The following GLRX3 variants were observed in gnomAD, a reference collection of about 807,000 sequenced individuals.
GLRX3 encodes glutaredoxin-3.
Under a neutral mutation model 49.5 loss-of-function variants are expected in GLRX3, and 22 were observed. The observed-to-expected ratio is 0.44, with a 90% CI of 0.32 to 0.63. The LOEUF (loss-of-function observed/expected upper bound fraction) is 0.63, where lower values mean the gene tolerates loss of function less well. Ranked by LOEUF, GLRX3 falls within the 30% of genes least tolerant of loss-of-function variation. The pLI is 0.05. For missense variants in GLRX3, 385 were observed against 396.3 expected (o/e 0.97, Z 0.24); for synonymous variants, 133 against 140.0 (o/e 0.95, Z 0.35).
chr10:130,140,427 T>C (rs1162671501), intron 1 of GLRX3, among the ~76,000 whole-genome samples: 1 of 152,238 alleles, frequency 6.6e-6, no homozygotes, highest in East Asian at 1.9e-4. Flanking sequence ...GTCCTTATAA[T>C]ATTGGACATT....
At position 130,160,088 on chromosome 10, in the gene GLRX3, C is replaced by G. The variant is rs372654004; in HGVS notation, c.276+19C>G. The G allele has an allele frequency of 3.4e-6, 5 of 1,480,572 alleles. No individual in the cohort carries two copies. The African/African-American group carries it at 6.9e-5, about 20-fold the overall frequency. 91.7% of individuals were successfully genotyped at this position (1,480,572 alleles called of 1,614,324 possible). On this transcript the variant is annotated intron_variant, in intron 3 of 10. Transcript: ENST00000331244. ...TTTCAAGGTAAGGATAAAGGTGGTA[C>G]AAGAGATTATCCATTTGTAGGGTGC...
chr10:130,179,067 G>C (rs1029923371), intron 10 of GLRX3, among the ~76,000 whole-genome samples: 2 of 151,610 alleles, frequency 1.3e-5, no homozygotes, highest in African/African-American at 4.9e-5. Context: ...TGAACTCCTG[G>C]CCTCAAGTGA....
intron 6 of GLRX3, among the ~76,000 whole-genome samples, chr10:130,167,259 A>G (rs951929879): frequency 6.6e-6 from 1 of 152,158 alleles, no homozygotes; most frequent in Non-Finnish European, 1.5e-5. Flanking sequence ...ACCTCTCTGC[A>G]TTTCAGAGCC....
intron 4 of GLRX3, among the ~76,000 whole-genome samples, chr10:130,162,529 C>T (rs1443682580): frequency 6.6e-6 from 1 of 152,192 alleles, no homozygotes; most frequent in Non-Finnish European, 1.5e-5. Context: ...TAAATGGGAA[C>T]TTACCACTTC....
At chr10:130,162,450 C>G (rs1811613000) in intron 4 of GLRX3, among the ~76,000 whole-genome samples, 1 of 152,188 alleles carries the variant, frequency 6.6e-6, no homozygotes, top group African/African-American at 2.4e-5. Context: ...ACGGGGGTTG[C>G]AAATGGTTCA....
intron 8 of GLRX3, among the ~76,000 whole-genome samples, chr10:130,173,198 G>A (rs569680519): frequency 5.3e-5 from 8 of 152,244 alleles, no homozygotes; most frequent in South Asian, 2.1e-4. Context: ...CTTCTGAGCC[G>A]ACACACTGGG....
intron 1 of GLRX3, among the ~76,000 whole-genome samples, chr10:130,140,970 A>G (rs893509855): frequency 6.6e-6 from 1 of 152,182 alleles, no homozygotes; most frequent in East Asian, 1.9e-4. Context: ...AAAGGTCCCA[A>G]TTTAATTTTT....
At chr10:130,179,164 C>G (rs1487905159) in intron 10 of GLRX3, among the ~76,000 whole-genome samples, 178 bp from the exon 11 acceptor site, 2 of 152,064 alleles carry the variant, frequency 1.3e-5, no homozygotes, top group African/African-American at 2.4e-5. Context: ...ATTTTTTAAC[C>G]TGATAGTGTA....
At chr10:130,145,810 T>C (rs1189806816) in intron 2 of GLRX3, among the ~76,000 whole-genome samples, 1 of 152,118 alleles carries the variant, frequency 6.6e-6, no homozygotes, top group Non-Finnish European at 1.5e-5. Flanking sequence ...TTTGCATTTT[T>C]TTTTTTTTTG....
chr10:130,153,845 A>G (rs1862426184), intron 2 of GLRX3, among the ~76,000 whole-genome samples: 1 of 152,206 alleles, frequency 6.6e-6, no homozygotes, highest in South Asian at 2.1e-4. Context: ...GCTGTCAGGC[A>G]GGGACGTTTA....
At chr10:130,148,867 A>G (rs1210843436) in intron 2 of GLRX3, among the ~76,000 whole-genome samples, 1 of 151,980 alleles carries the variant, frequency 6.6e-6, no homozygotes, top group African/African-American at 2.4e-5. Context: ...GTTCGAGACC[A>G]GCCTGGGCAA....
At chr10:130,139,636 C>A (rs1421101284) in intron 1 of GLRX3, among the ~76,000 whole-genome samples, 3 of 125,798 alleles carry the variant, frequency 2.4e-5, no homozygotes, top group Non-Finnish European at 3.4e-5. Context: ...ACGAAGACTC[C>A]ATCTCAAAAA....
intron 2 of GLRX3, among the ~76,000 whole-genome samples, chr10:130,148,632 T>C (rs1290925084): frequency 6.6e-6 from 1 of 151,952 alleles, no homozygotes; most frequent in African/African-American, 2.4e-5. Flanking sequence ...CTGGTAAAAA[T>C]AGAGTTAGAA....
At chr10:130,138,497 T>G (rs550489901) in intron 1 of GLRX3, among the ~76,000 whole-genome samples, 7 of 152,318 alleles carry the variant, frequency 4.6e-5, no homozygotes, top group African/African-American at 1.7e-4. Flanking sequence ...TACTGACTAA[T>G]GGTTAGAAAT....
intron 7 of GLRX3, among the ~76,000 whole-genome samples, chr10:130,170,691 T>C (rs1033932309): frequency 6.6e-6 from 1 of 152,210 alleles, no homozygotes; most frequent in Non-Finnish European, 1.5e-5. Flanking sequence ...AAAGTATTAA[T>C]ACATTTTGGA....
rs775727291 is a variant in GLRX3 at position 130,150,712 on chromosome 10, AG to A, written c.201+5394del. 3.3e-5 allele frequency among the ~76,000 whole-genome samples: 5 copies of A among 152,266 alleles called. No homozygotes were observed. The East Asian group carries it at 5.8e-4, about 18-fold the overall frequency. On this transcript the variant is annotated intron_variant, in intron 2 of 10. Transcript: ENST00000331244. ...AAATGTAGTTTATGTTTAATTTCTG[AG>A]TGTATAATTACTGTATGTAAACAGA...
chr10:130,175,863 G>A (rs1862907081), intron 10 of GLRX3, among the ~76,000 whole-genome samples: 1 of 152,200 alleles, frequency 6.6e-6, no homozygotes, highest in South Asian at 2.1e-4. Flanking sequence ...CCCACTGTGG[G>A]CATGGTGGCA....
chr10:130,160,781 CTT>C lies in GLRX3; in HGVS notation c.277-11_277-10del. On this transcript the variant is annotated splice_polypyrimidine_tract_variant and intron_variant, in intron 3 of 10. Coordinates refer to ENST00000331244, the MANE Select transcript of GLRX3 (RefSeq NM_006541.5). ...GGAATGCTGCATGTATTCTAAATAA[CTT>C]TTTAAACTTTAGAATTCTCAGAAAA... 1 of 1,466,284 alleles carries C rather than the reference CTT, an allele frequency of 6.8e-7. No homozygotes were observed. Among genetic ancestry groups the C allele is most frequent in the Non-Finnish European group, 9.6e-7 (1 of 1,045,492 alleles). The allele number at this position is 1,466,284 out of a possible 1,614,324, so 90.8% of individuals were successfully genotyped here. A position where few individuals can be genotyped will look rare whatever the true frequency, so the allele number is the denominator to read the frequency against.
At chr10:130,150,580 C>T (rs917739599) in intron 2 of GLRX3, among the ~76,000 whole-genome samples, 3 of 152,104 alleles carry the variant, frequency 2.0e-5, no homozygotes, top group African/African-American at 7.2e-5. Flanking sequence ...TGTATTTTTG[C>T]TTCTTGAAAA....
Sources: allele counts gnomAD v4.1 joint callset (sites outside exome capture counted in the v4.1 genomes callset), GRCh38; gene constraint gnomAD v4.1.1; transcripts MANE v1.5; gene names NCBI Gene and HGNC (gene_info 2026-07-23, HGNC 2026-07-21).